The following MSRB3 variants were observed in gnomAD, a reference collection of about 807,000 sequenced individuals.
MSRB3 encodes the protein methionine-R-sulfoxide reductase B3.
A neutral mutation model predicts 21.0 loss-of-function variants in MSRB3; 13 were observed. The observed-to-expected ratio is 0.62, with a 90% confidence interval of 0.40 to 0.98. MSRB3 has a LOEUF of 0.98. MSRB3 is among the 50% of genes least tolerant of loss of function. MSRB3 has a pLI of 0.00. For synonymous variants in MSRB3, 87 were observed against 88.6 expected (o/e 0.98, Z 0.10); for missense variants, 199 against 230.3 (o/e 0.86, Z 0.88).
At chr12:65,336,444 G>A (rs1875767732) in intron 4 of MSRB3, among the ~76,000 whole-genome samples, 1 of 152,320 alleles carries the variant, frequency 6.6e-6, no homozygotes, top group Admixed American at 6.5e-5. Context: ...GAAGTTGTGT[G>A]TGTATGTGTA....
At chr12:65,343,089 A>G (rs1876250661) in intron 4 of MSRB3, among the ~76,000 whole-genome samples, 1 of 152,108 alleles carries the variant, frequency 6.6e-6, no homozygotes, top group African/African-American at 2.4e-5. Flanking sequence ...TGAACAATTT[A>G]TTTTAAAAAC....
chr12:65,328,589 A>T lies in MSRB3; in HGVS notation c.249A>T (p.Gly83=). Residue 83 remains glycine (G), a synonymous_variant, in exon 4 of 7, where the codon GGA becomes GGT. Transcript: ENST00000308259. ...DPGIYKCVVC[G]TPLFKSETKF... ...GAATATATAAATGTGTTGTTTGTGG[A>T]ACTCCATTGTTTAAGTAAGTATGTT... 2 of 1,611,356 alleles carry T rather than the reference A, an allele frequency of 1.2e-6. No individual in the cohort carries two copies. Among genetic ancestry groups the T allele is most frequent in the Non-Finnish European group, 1.7e-6 (2 of 1,177,718 alleles).
At chr12:65,399,865 GT>G (rs1312745956) in intron 5 of MSRB3, among the ~76,000 whole-genome samples, 2 of 152,156 alleles carry the variant, frequency 1.3e-5, no homozygotes, top group Non-Finnish European at 2.9e-5. Flanking sequence ...ATAATCATGT[GT>G]TTTTTGTCAT....
chr12:65,314,452 A>T (rs1306491419), intron 2 of MSRB3, among the ~76,000 whole-genome samples: 1 of 152,128 alleles, frequency 6.6e-6, no homozygotes, highest in Non-Finnish European at 1.5e-5. Context: ...TGATGCAGCT[A>T]TATTTTTCTA....
chr12:65,359,541 G>T (rs1218989539), intron 4 of MSRB3, among the ~76,000 whole-genome samples: 1 of 151,980 alleles, frequency 6.6e-6, no homozygotes, highest in Non-Finnish European at 1.5e-5. Context: ...CACCAATCTT[G>T]AAAGACAAGA....
At chr12:65,279,254 G>T in intron 1 of MSRB3, 1 of 218,972 alleles carries the variant, frequency 4.6e-6, no homozygotes, top group African/African-American at 2.3e-5. Context: ...GGAGCCCTCT[G>T]CTCTGTGCGT....
intron 5 of MSRB3, among the ~76,000 whole-genome samples, chr12:65,427,214 G>A (rs1169807728): frequency 1.3e-5 from 2 of 152,124 alleles, no homozygotes; most frequent in Non-Finnish European, 2.9e-5. Context: ...TTTATTGGGG[G>A]CTTCCAGGGA....
intron 6 of MSRB3, 36 bp from the exon 7 acceptor site, chr12:65,463,119 C>A (rs61921506): frequency 1.2e-6 from 2 of 1,612,916 alleles, no homozygotes; most frequent in Admixed American, 3.3e-5. Flanking sequence ...CTGCTTTGTA[C>A]ATGCTTTTCC....
chr12:65,319,857 A>G (rs555678279), intron 2 of MSRB3, among the ~76,000 whole-genome samples: 1 of 152,312 alleles, frequency 6.6e-6, no homozygotes, highest in South Asian at 2.1e-4. Context: ...ACTAATACTA[A>G]AAGTGCTGAT....
In MSRB3 at chr12:65,465,451, A is replaced by G. The variant is rs930317671; in HGVS notation, c.*2129A>G. On this transcript the variant is annotated 3_prime_UTR_variant, in exon 7 of 7. Coordinates refer to ENST00000308259, the MANE Select transcript of MSRB3 (RefSeq NM_001031679.3). ...ACTAAGAGAAAAAAAAGAAAGAGGG[A>G]CATTTGACAATTTTAAAGAAACAAC... 3.3e-5 allele frequency: 5 copies of G among 152,218 alleles called. No individual in the cohort carries two copies. The highest frequency in any genetic ancestry group is 7.3e-5 in the Non-Finnish European group (5 of 68,040). The allele number at this position is 152,218 out of a possible 1,614,324, so 9.4% of individuals were successfully genotyped here.
chr12:65,304,750 A>G (rs1873547644), intron 1 of MSRB3, among the ~76,000 whole-genome samples: 1 of 152,252 alleles, frequency 6.6e-6, no homozygotes, highest in African/African-American at 2.4e-5. Context: ...GTTTCTGGCA[A>G]TGGCCTTCAC....
intron 1 of MSRB3, among the ~76,000 whole-genome samples, chr12:65,291,377 G>T (rs187208614): frequency 1.3e-5 from 2 of 151,296 alleles, no homozygotes; most frequent in African/African-American, 2.4e-5. Context: ...TTTTCTCTTG[G>T]TTTCCACAGC....
intron 5 of MSRB3, among the ~76,000 whole-genome samples, chr12:65,376,928 A>T (rs1878656693): frequency 6.6e-6 from 1 of 152,220 alleles, no homozygotes; most frequent in African/African-American, 2.4e-5. Context: ...ACCTGTAAAT[A>T]CAAGTGCTCT....
At chr12:65,354,030 CT>C (rs921988524) in intron 4 of MSRB3, among the ~76,000 whole-genome samples, 1 of 151,960 alleles carries the variant, frequency 6.6e-6, no homozygotes, top group Admixed American at 6.6e-5. Flanking sequence ...AAATTCTTTT[CT>C]TTAGGAATGT....
At chr12:65,374,913 G>A (rs747085289) in intron 5 of MSRB3, among the ~76,000 whole-genome samples, 1 of 151,848 alleles carries the variant, frequency 6.6e-6, no homozygotes, top group African/African-American at 2.4e-5. Flanking sequence ...GCAGTGGCGC[G>A]ATCTCGGCTC....
chr12:65,370,598 G>T (rs899183763), intron 5 of MSRB3, among the ~76,000 whole-genome samples: 2 of 152,168 alleles, frequency 1.3e-5, no homozygotes, highest in African/African-American at 4.8e-5. Context: ...GACAATTTAT[G>T]TTAACTTTTC....
intron 4 of MSRB3, among the ~76,000 whole-genome samples, chr12:65,342,957 C>T (rs140729348): frequency 9.9e-5 from 15 of 152,000 alleles, no homozygotes; most frequent in Non-Finnish European, 1.8e-4. Flanking sequence ...CTGGATGGTG[C>T]AATTATAGGT....
At position 65,463,232 on chromosome 12, in the gene MSRB3, C is replaced by G; in HGVS notation, c.468C>G (p.Ala156=). The part of the protein sequence containing the change: ...TGKRYCINSA[A]LSFTPADSSG... ...AAAGATACTGCATAAATTCGGCTGC[C>G]TTGTCTTTTACACCTGCGGATAGCA... The change falls in exon 7 of 7, where the codon GCC becomes GCG. Residue 156 remains alanine, a synonymous_variant. Transcript: ENST00000308259. The G allele has an allele frequency of 6.2e-7, 1 of 1,614,224 alleles. No individual in the cohort carries two copies. Among genetic ancestry groups the G allele is most frequent in the Non-Finnish European group, 8.5e-7 (1 of 1,180,040 alleles).
chr12:65,354,364 A>T (rs1877246795), intron 4 of MSRB3, among the ~76,000 whole-genome samples: 1 of 152,008 alleles, frequency 6.6e-6, no homozygotes. Flanking sequence ...CAGGTACACC[A>T]ATCAGACGTA....
Sources: allele counts gnomAD v4.1 joint callset (sites outside exome capture counted in the v4.1 genomes callset), GRCh38; gene constraint gnomAD v4.1.1; transcripts MANE v1.5; gene names NCBI Gene and HGNC (gene_info 2026-07-23, HGNC 2026-07-21).